Variants in RTEL1 observed in about 807,000 individuals in gnomAD.
RTEL1 encodes regulator of telomere length.
In RTEL1, 86 loss-of-function variants were observed where a neutral mutation model predicts 162.2. That is an observed-to-expected ratio of 0.53 (90% CI 0.45 to 0.63). RTEL1 has a LOEUF of 0.63. Ranked by LOEUF, RTEL1 falls within the 30% of genes least tolerant of loss-of-function variation. The probability of loss-of-function intolerance (pLI) is 0.00; values close to 1 mark genes in which losing one functional copy is unlikely to be tolerated. For missense variants in RTEL1, 1,941 were observed against 1,750.2 expected, an observed-to-expected ratio of 1.11 and a Z score of -1.95; for synonymous variants, 958 against 717.9, an observed-to-expected ratio of 1.33 and a Z score of -5.35.
chr20:63,660,923 G>A (rs926315673), intron 2 of RTEL1: 22 of 219,894 alleles, frequency 1.0e-4, no homozygotes, highest in East Asian at 2.7e-4. Flanking sequence ...TCAGGTTCCC[G>A]TCTGAGAGCT....
Position 63,694,433 on chromosome 20 carries a change from C to G in RTEL1, c.3054C>G (p.Pro1018=), listed in dbSNP as rs147894642. The G allele has an allele frequency of 9.2e-5, 149 of 1,612,340 alleles. No individual in the cohort carries two copies. The African/African-American group carries it at 1.8e-3, about 19-fold the overall frequency. The part of the protein sequence containing the change: ...VSTAAAQQLD[P]QEHLNQGRPH... ...CGGCTGCAGCCCAGCAGCTGGACCC[C>G]CAAGAGCACCTGAACCAGGGCAGGC... Residue 1018 remains proline (P), a synonymous_variant, in exon 31 of 35, where the codon CCC becomes CCG. Transcript: ENST00000360203.
At position 63,695,308 on chromosome 20, in the gene RTEL1, ACTCAAGT is replaced by A. The variant is rs775852899; in HGVS notation, c.3500-16_3500-10del. On this transcript the variant is annotated splice_polypyrimidine_tract_variant and intron_variant, in intron 33 of 34. Coordinates refer to ENST00000360203, the MANE Select transcript of RTEL1 (RefSeq NM_001283009.2). ...CAGCAAAGCCCCAGGCCCCCCTCAG[ACTCAAGT>A]CTCTGTCTCCAGGCCCCTCACGGTC... is the stretch of plus-strand genomic sequence containing the variant. 5 of 1,576,104 alleles carry A rather than the reference ACTCAAGT, an allele frequency of 3.2e-6. No homozygotes were observed. In the South Asian group the frequency reaches 5.8e-5, roughly 18 times the overall value.
intron 10 of RTEL1, among the ~76,000 whole-genome samples, chr20:63,677,372 T>C (rs527824213): frequency 1.3e-5 from 2 of 152,324 alleles, no homozygotes; most frequent in African/African-American, 4.8e-5. Context: ...CCCAGCACTT[T>C]GGGAGACCAA....
chr20:63,686,306 A>G (rs1568704989), intron 16 of RTEL1: 1 of 222,780 alleles, frequency 4.5e-6, no homozygotes, highest in Admixed American at 5.3e-5. Context: ...TGGTGCGCTC[A>G]GCCCCGAGGC....
chr20:63,693,453 A>C (rs1480655179), intron 30 of RTEL1, among the ~76,000 whole-genome samples, 170 bp downstream of exon 30: 1 of 37,034 alleles, frequency 2.7e-5, no homozygotes. Context: ...CAGCAGCACC[A>C]CCTCCACCTC....
At chr20:63,667,413 G>C (rs375355567) in intron 7 of RTEL1, 56 bp from the exon 8 acceptor site, 1 of 1,410,544 alleles carries the variant, frequency 7.1e-7, no homozygotes, top group Non-Finnish European at 1.0e-6. Flanking sequence ...TGGCGGCCTC[G>C]GGGCACCGTC....
At chr20:63,692,113 T>G (rs1349674893) in intron 28 of RTEL1, 4 of 415,940 alleles carry the variant, frequency 9.6e-6, no homozygotes, top group Non-Finnish European at 1.8e-5. Context: ...TTCCCTCAAG[T>G]GTGGATGCAC....
At chr20:63,686,204 C>G (rs1048845785) in intron 16 of RTEL1, among the ~76,000 whole-genome samples, 1 of 152,252 alleles carries the variant, frequency 6.6e-6, no homozygotes, top group African/African-American at 2.4e-5. Flanking sequence ...TGAGGCACGG[C>G]TCTGCCTGCT....
Position 63,693,020 on chromosome 20 carries a change from AG to A in RTEL1, c.2851+19del, listed in dbSNP as rs2090793761. ...TGCTCCAAGGTGCCCTGGCTTGCAG[AG>A]GCCACCCACCCTGAGGGCAGTGCTG... On this transcript the variant is annotated intron_variant, in intron 29 of 34. Coordinates refer to ENST00000360203, the MANE Select transcript of RTEL1 (RefSeq NM_001283009.2). The A allele has an allele frequency of 4.3e-6, 7 of 1,611,920 alleles. No individual in the cohort carries two copies. The highest frequency in any genetic ancestry group is 1.7e-5 in the Admixed American group (1 of 59,982).
rs1490788811 is a variant in RTEL1, at chr20:63,661,354, G to C, written c.159G>C (p.Leu53=). 1.9e-6 allele frequency: 3 copies of C among 1,613,454 alleles called. No individual in the cohort carries two copies. In the African/African-American group the frequency reaches 4.0e-5, roughly 21 times the overall value. The change falls in exon 3 of 35, where the codon CTG becomes CTC. Residue 53 remains leucine (L), a synonymous_variant. Transcript: ENST00000360203. The surrounding 1 kb of genome is among the most constrained non-coding windows in gnomAD (Gnocchi z 5.1). ...GTACAGGGAAGACGCTGTGCCTGCTGTGCACCACGCTGGCCTGGCGAGAAC... is the reference window on the plus strand; with the variant it reads ...GTACAGGGAAGACGCTGTGCCTGCTCTGCACCACGCTGGCCTGGCGAGAAC... ...PTGTGKTLCL[L]CTTLAWREHL... is the part of the protein sequence containing the mutation.
chr20:63,658,005 C>G (rs1032697732), upstream of RTEL1: 2 of 152,308 alleles, frequency 1.3e-5, no homozygotes, highest in Non-Finnish European at 1.5e-5. Context: ...GGCTCACACT[C>G]GAGCAGTAAA....
intron 2 of RTEL1, among the ~76,000 whole-genome samples, chr20:63,660,340 T>C (rs2089993985): frequency 6.6e-6 from 1 of 152,240 alleles, no homozygotes; most frequent in Non-Finnish European, 1.5e-5. Flanking sequence ...GAGAGAAACC[T>C]TGGGCAATAC....
chr20:63,682,302 G>T (rs1226223217), intron 14 of RTEL1: 1 of 984,946 alleles, frequency 1.0e-6, no homozygotes, highest in South Asian at 4.7e-5. Flanking sequence ...CAGCTATGGA[G>T]AAGACTCCAC....
intron 8 of RTEL1, 33 bp downstream of exon 8, chr20:63,667,586 G>C (rs2090162211): frequency 6.5e-6 from 10 of 1,546,754 alleles, no homozygotes; most frequent in Non-Finnish European, 8.9e-6. Context: ...GACGACTCCT[G>C]ATGTCCAGGG....
At chr20:63,672,451 C>T in intron 8 of RTEL1, 105 bp from the exon 9 acceptor site, 1 of 917,914 alleles carries the variant, frequency 1.1e-6, no homozygotes, top group Non-Finnish European at 1.7e-6. Context: ...GGCGCTGTTG[C>T]TCATCTGCGC....
In RTEL1 at chr20:63,679,927, C is replaced by A; in HGVS notation, c.1116C>A (p.Ile372=). The A allele has an allele frequency of 6.2e-7, 1 of 1,612,094 alleles. No homozygotes were observed. The highest frequency in any genetic ancestry group is 8.5e-7 in the Non-Finnish European group (1 of 1,179,484). The change falls in exon 13 of 35, where the codon ATC becomes ATA. Residue 372 remains isoleucine, a synonymous_variant. Coordinates refer to ENST00000360203, the MANE Select transcript of RTEL1 (RefSeq NM_001283009.2). The stretch of plus-strand genomic sequence containing the variant: ...GCATCCTGGACTCGCTGGACCAGAT[C>A]ATCCAGCACCTGGCAGGACGTGAGT... ...KGCILDSLDQ[I]IQHLAGRAGV... is the part of the protein sequence containing the mutation.
intron 1 of RTEL1, 58 bp from the exon 2 acceptor site, chr20:63,659,175 A>C: frequency 1.8e-6 from 1 of 547,042 alleles, no homozygotes; most frequent in Non-Finnish European, 3.3e-6. Context: ...AACGCCTGGG[A>C]AAGTAGCCCG....
intron 30 of RTEL1, 71 bp downstream of exon 30, chr20:63,693,354 C>T (rs1304156872): frequency 3.8e-6 from 6 of 1,581,006 alleles, no homozygotes; most frequent in Non-Finnish European, 5.2e-6. Context: ...TCCTGGGCTG[C>T]TTGGGGTGGG....
Position 63,661,502 on chromosome 20 carries a change from C to G in RTEL1, c.301+6C>G. ...TGCTGCTGGAGACCCCATAGGTGAC[C>G]CTAGTTCCCAGGCCTCTCCTGGCCT... On this transcript the variant is annotated splice_donor_region_variant and intron_variant, in intron 3 of 34. Transcript: ENST00000360203. The surrounding 1 kb of genome is among the most constrained non-coding windows in gnomAD (Gnocchi z 5.1). 1 of 1,607,498 alleles carries G rather than the reference C, an allele frequency of 6.2e-7. No individual in the cohort carries two copies. Among genetic ancestry groups the G allele is most frequent in the Non-Finnish European group, 8.5e-7 (1 of 1,179,338 alleles).
Sources: gnomAD v4.1 joint callset for allele counts (sites outside exome capture counted in the v4.1 genomes callset) on GRCh38, gnomAD v4.1.1 for gene constraint, Gnocchi (gnomAD v3.1) non-coding constraint, MANE v1.5 for transcripts, NCBI Gene and HGNC (gene_info 2026-07-23, HGNC 2026-07-21) for gene names.